Variants in TNS3 observed in about 807,000 individuals in gnomAD.
TNS3 encodes tensin-3.
Under a neutral mutation model 140.9 loss-of-function variants are expected in TNS3, and 45 were observed. The observed-to-expected ratio is 0.32, with a 90% confidence interval of 0.25 to 0.41. The LOEUF is 0.41. Among genes scored for constraint, TNS3 ranks in the 10% least tolerant of loss-of-function variants. The pLI is 1.00. For missense variants in TNS3, 1,716 were observed against 1,906.7 expected (o/e 0.90, Z 1.86); for synonymous variants, 815 against 788.4 (o/e 1.03, Z -0.56).
At chr7:47,296,741 A>C (rs1253803462) in intron 24 of TNS3, among the ~76,000 whole-genome samples, 1 of 152,184 alleles carries the variant, frequency 6.6e-6, no homozygotes, top group Non-Finnish European at 1.5e-5. Context: ...GACACACACG[A>C]ATCTACTCCA....
At chr7:47,327,731 A>C (rs1788101884) in intron 20 of TNS3, among the ~76,000 whole-genome samples, 1 of 152,212 alleles carries the variant, frequency 6.6e-6, no homozygotes, top group Non-Finnish European at 1.5e-5. Flanking sequence ...TGGCGACTTG[A>C]GAACTGTCAT....
At chr7:47,501,268 T>G (rs963104409) in intron 3 of TNS3, among the ~76,000 whole-genome samples, 2 of 151,742 alleles carry the variant, frequency 1.3e-5, no homozygotes, top group Non-Finnish European at 2.9e-5. Context: ...TACTAGCAAA[T>G]TCAGATCATT....
In TNS3 at chr7:47,561,597, C is replaced by T. The variant is rs1800320543; in HGVS notation, c.-265+20454G>A. On this transcript the variant is annotated intron_variant, in intron 1 of 30. Transcript: ENST00000311160. Reference sequence around the variant, plus strand: ...TCAGAAGTGTGAGGCTGTGTCATTCCTTAGGTGGGTTGCAGGTATCAGCAA... The same window carrying T: ...TCAGAAGTGTGAGGCTGTGTCATTCTTTAGGTGGGTTGCAGGTATCAGCAA... 1.3e-5 allele frequency among the ~76,000 whole-genome samples: 2 copies of T among 152,076 alleles called. 1 individual carries two copies. Among genetic ancestry groups the T allele is most frequent in the South Asian group, 4.1e-4 (2 of 4,820 alleles).
intron 1 of TNS3, chr7:47,539,317 T>C: frequency 2.9e-6 from 1 of 345,808 alleles, no homozygotes; most frequent in Non-Finnish European, 5.8e-6. Flanking sequence ...TTTAAAAGAG[T>C]AGCCATTCAG....
In TNS3 at chr7:47,275,522, G is replaced by A. The variant is rs1041464506; in HGVS notation, c.*2554C>T. ...CCAGCGGGAGCCCTGGAGACAAAAT[G>A]CCTGGAAACGTTCCTTTTCCTGTGG... is the stretch of plus-strand genomic sequence containing the variant. On this transcript the variant is annotated 3_prime_UTR_variant, in exon 31 of 31. Transcript: ENST00000311160. 52 of 314,954 alleles carry A rather than the reference G, an allele frequency of 1.7e-4. No individual in the cohort carries two copies. The highest frequency in any genetic ancestry group is 1.0e-3 in the African/African-American group (46 of 45,818). 19.5% of individuals were successfully genotyped at this position (314,954 alleles called of 1,614,324 possible). A position where few individuals can be genotyped will look rare whatever the true frequency, so the allele number is the denominator to read the frequency against.
In TNS3 at chr7:47,389,060, GA is replaced by G. The variant is rs1278115258; in HGVS notation, c.1024+7739del. The stretch of plus-strand genomic sequence containing the variant: ...AGAAGAAGAAGAAGAAGAAGAAGAA[GA>G]AGAAGAAGAAGAAGAAGAAGAAGAG... On this transcript the variant is annotated intron_variant, in intron 16 of 30. Coordinates refer to ENST00000311160, the MANE Select transcript of TNS3 (RefSeq NM_022748.12). Among the ~76,000 whole-genome samples the G allele has an allele frequency of 2.2e-4, 16 of 72,400 alleles. 1 individual carries two copies. The highest frequency in any genetic ancestry group is 5.8e-3 in the Middle Eastern group (1 of 172). The allele number at this position is 72,400 out of a possible 152,430, so 47.5% of individuals were successfully genotyped here. A position where few individuals can be genotyped will look rare whatever the true frequency, so the allele number is the denominator to read the frequency against.
chr7:47,440,767 G>A (rs927283891), intron 5 of TNS3, among the ~76,000 whole-genome samples: 3 of 152,226 alleles, frequency 2.0e-5, no homozygotes, highest in Non-Finnish European at 4.4e-5. Flanking sequence ...ATGAGGTAAA[G>A]CCAGAGGCAT....
chr7:47,284,011 G>T, intron 27 of TNS3, 146 bp from the exon 28 acceptor site: 1 of 631,968 alleles, frequency 1.6e-6, no homozygotes, highest in Non-Finnish European at 2.4e-6. Flanking sequence ...AAGGCAGATG[G>T]CCTTTGCCCC....
At chr7:47,306,859 G>T (rs1012113123) in intron 20 of TNS3, among the ~76,000 whole-genome samples, 1 of 152,230 alleles carries the variant, frequency 6.6e-6, no homozygotes, top group African/African-American at 2.4e-5. Flanking sequence ...TTACAGGTGT[G>T]AGCCACCACG....
intron 17 of TNS3, among the ~76,000 whole-genome samples, chr7:47,363,169 A>T (rs911303364): frequency 1.6e-5 from 2 of 128,298 alleles, no homozygotes; most frequent in African/African-American, 6.0e-5. Flanking sequence ...AGTCATCACC[A>T]TCATAAGGGT....
intron 20 of TNS3, among the ~76,000 whole-genome samples, chr7:47,342,955 C>T (rs901206627): frequency 5.3e-5 from 8 of 152,334 alleles, no homozygotes; most frequent in African/African-American, 1.9e-4. Flanking sequence ...CTCTGTGCTC[C>T]TTGTGGGCTA....
chr7:47,461,303 T>C (rs1426083395), intron 4 of TNS3, among the ~76,000 whole-genome samples: 1 of 152,178 alleles, frequency 6.6e-6, no homozygotes, highest in Non-Finnish European at 1.5e-5. Context: ...ATAAATGAGG[T>C]CACTCCAAAA....
chr7:47,372,530 C>A (rs1365988444), intron 16 of TNS3, among the ~76,000 whole-genome samples: 1 of 152,176 alleles, frequency 6.6e-6, no homozygotes, highest in Non-Finnish European at 1.5e-5. Context: ...TGGTAAGGCA[C>A]AGGATAGTCC....
Position 47,477,247 on chromosome 7 carries a change from C to T in TNS3, c.-76+3856G>A, listed in dbSNP as rs139798173. 1.1e-3 allele frequency among the ~76,000 whole-genome samples: 173 copies of T among 152,282 alleles called. 2 individuals are homozygous for T. Among genetic ancestry groups the T allele is most frequent in the African/African-American group, 3.7e-3 (154 of 41,542 alleles). Reference sequence around the variant, plus strand: ...AAAACAATCATGCCCTCAGCCAGCACAACTCCAGGAATTTTGACAGACCCG... The same window carrying T: ...AAAACAATCATGCCCTCAGCCAGCATAACTCCAGGAATTTTGACAGACCCG... On this transcript the variant is annotated intron_variant, in intron 4 of 30. Coordinates refer to ENST00000311160, the MANE Select transcript of TNS3 (RefSeq NM_022748.12).
intron 20 of TNS3, among the ~76,000 whole-genome samples, chr7:47,327,471 C>T (rs1461897704): frequency 6.6e-6 from 1 of 152,176 alleles, no homozygotes; most frequent in Non-Finnish European, 1.5e-5. Context: ...TGCCCGCTGC[C>T]CGGGATCCCT....
intron 5 of TNS3, 51 bp from the exon 6 acceptor site, chr7:47,439,709 A>G (rs562720661): frequency 2.0e-5 from 32 of 1,586,830 alleles, no homozygotes; most frequent in Admixed American, 5.2e-5. Context: ...GGCAGCAGAC[A>G]TTCATCCTCT....
At chr7:47,286,977 C>T (rs571261911) in intron 27 of TNS3, among the ~76,000 whole-genome samples, 1 of 152,164 alleles carries the variant, frequency 6.6e-6, no homozygotes, top group Non-Finnish European at 1.5e-5. Flanking sequence ...CTGGAGAACA[C>T]TTTACCTGCT....
intron 16 of TNS3, among the ~76,000 whole-genome samples, chr7:47,372,819 T>G (rs1400355555): frequency 1.3e-5 from 2 of 152,326 alleles, no homozygotes; most frequent in East Asian, 3.9e-4. Flanking sequence ...GGACTCTTGC[T>G]AAACTTCCTG....
Position 47,327,269 on chromosome 7 carries a change from T to G in TNS3, c.2650+17486A>C, listed in dbSNP as rs181314709. Among the ~76,000 whole-genome samples the G allele has an allele frequency of 4.2e-3, 637 of 152,354 alleles. 2 individuals carry two copies. The highest frequency in any genetic ancestry group is 0.014 in the African/African-American group (599 of 41,584). On this transcript the variant is annotated intron_variant, in intron 20 of 30. Coordinates refer to ENST00000311160, the MANE Select transcript of TNS3 (RefSeq NM_022748.12). ...TTCTTTCAGTGAATGCATGGGTTTTTGTTTTTGTTTTTTTCAATGACATGA... is the reference window on the plus strand; with the variant it reads ...TTCTTTCAGTGAATGCATGGGTTTTGGTTTTTGTTTTTTTCAATGACATGA...
Sources: allele counts gnomAD v4.1 joint callset (sites outside exome capture counted in the v4.1 genomes callset), GRCh38; gene constraint gnomAD v4.1.1; transcripts MANE v1.5; gene names NCBI Gene and HGNC (gene_info 2026-07-23, HGNC 2026-07-21).